Variants in IST1 observed in about 807,000 individuals in gnomAD.
IST1 encodes IST1 factor associated with ESCRT-III.
Under a neutral mutation model 37.0 loss-of-function variants are expected in IST1, and 23 were observed. The observed-to-expected ratio is 0.62, with a 90% CI of 0.45 to 0.88. IST1 has a LOEUF of 0.88. Ranked by LOEUF, IST1 falls within the 40% of genes least tolerant of loss-of-function variation. The pLI is 0.00. For synonymous variants in IST1, 180 were observed against 161.7 expected, an observed-to-expected ratio of 1.11 and a Z score of -0.86; for missense variants, 488 against 445.4, an observed-to-expected ratio of 1.10 and a Z score of -0.86.
intron 5 of IST1, 116 bp downstream of exon 5, chr16:71,920,938 A>C (rs1217226118): frequency 1.3e-6 from 1 of 792,908 alleles, no homozygotes; most frequent in Non-Finnish European, 2.2e-6. Flanking sequence ...CACCTTTCAT[A>C]GTGGGGTGAG....
At chr16:71,912,360 C>G (rs1334402387) in intron 1 of IST1, among the ~76,000 whole-genome samples, 1 of 152,106 alleles carries the variant, frequency 6.6e-6, no homozygotes, top group Non-Finnish European at 1.5e-5. Flanking sequence ...GCCTCAGCCT[C>G]CTGAGAAGCT....
At chr16:71,905,062 G>T (rs1403994836) in intron 1 of IST1, among the ~76,000 whole-genome samples, 1 of 151,378 alleles carries the variant, frequency 6.6e-6, no homozygotes, top group Non-Finnish European at 1.5e-5. Context: ...TTGAGATGGA[G>T]TCTCACTGTG....
rs2037882417 is a variant in IST1, at chr16:71,930,134, A to T, written c.*2321A>T. 2 of 1,551,638 alleles carry T rather than the reference A, an allele frequency of 1.3e-6. No individual in the cohort carries two copies. Among genetic ancestry groups the T allele is most frequent in the Non-Finnish European group, 1.7e-6 (2 of 1,146,868 alleles). On this transcript the variant is annotated 3_prime_UTR_variant, in exon 10 of 10. Transcript: ENST00000378799. ...AATTACCACAAGTACCATCAAGATG[A>T]CACTGGTGAGGATCAGAAAGGTGCC... is the stretch of plus-strand genomic sequence containing the variant.
rs2037869122 is a variant in IST1 at position 71,929,934 on chromosome 16, A to G, written c.*2121A>G. The G allele has an allele frequency of 8.0e-7, 1 of 1,256,460 alleles. No homozygotes were observed. The highest frequency in any genetic ancestry group is 1.5e-5 in the African/African-American group (1 of 65,650). The allele number at this position is 1,256,460 out of a possible 1,614,324, so 77.8% of individuals were successfully genotyped here. ...ATAGCTGGCAGAGCTTTTGAAACTAATAAAGGGAATATGATACTGTGCATT... is the reference window on the plus strand; with the variant it reads ...ATAGCTGGCAGAGCTTTTGAAACTAGTAAAGGGAATATGATACTGTGCATT... On this transcript the variant is annotated 3_prime_UTR_variant, in exon 10 of 10. Transcript: ENST00000378799.
At chr16:71,926,435 C>T (rs1426079926) in intron 9 of IST1, among the ~76,000 whole-genome samples, 1 of 151,834 alleles carries the variant, frequency 6.6e-6, no homozygotes, top group South Asian at 2.1e-4. Context: ...GCTCCACCTC[C>T]CGGGTTCACG....
At chr16:71,922,719 G>C in intron 7 of IST1, 39 bp downstream of exon 7, 2 of 1,392,382 alleles carry the variant, frequency 1.4e-6, no homozygotes, top group South Asian at 2.5e-5. Flanking sequence ...TTTAGAAAAT[G>C]TTATAGATAA....
At chr16:71,922,408 C>A in intron 6 of IST1, 66 bp from the exon 7 acceptor site, 1 of 1,363,090 alleles carries the variant, frequency 7.3e-7, no homozygotes, top group Non-Finnish European at 1.0e-6. Flanking sequence ...CCATCTCAGA[C>A]TCCGCTTTCT....
At chr16:71,926,417 C>T (rs1182657035) in intron 9 of IST1, among the ~76,000 whole-genome samples, 3 of 151,656 alleles carry the variant, frequency 2.0e-5, no homozygotes, top group Admixed American at 1.3e-4. Flanking sequence ...GATCTCGGCT[C>T]ATTGCAAGCT....
At chr16:71,895,315 C>A, upstream of IST1, 1 of 155,382 alleles carries the variant, frequency 6.4e-6, no homozygotes, top group Non-Finnish European at 1.4e-5. Flanking sequence ...ACTCAGTCGG[C>A]GTGGCGCTTC....
rs905319862 is a variant in IST1 at position 71,908,038 on chromosome 16, G to A, written c.-15-7588G>A. ...CAGTCCACTTCACCGTCCGCCTCCC[G>A]GGTTCAAGCAGTTCTCTGCCTCAGC... On this transcript the variant is annotated intron_variant, in intron 1 of 9. Transcript: ENST00000378799. Among the ~76,000 whole-genome samples, 24 of 152,052 alleles carry A rather than the reference G, an allele frequency of 1.6e-4. 1 individual carries two copies. The highest frequency in any genetic ancestry group is 5.1e-4 in the African/African-American group (21 of 41,486).
intron 1 of IST1, among the ~76,000 whole-genome samples, chr16:71,898,670 A>C (rs1227217799): frequency 6.6e-6 from 1 of 150,748 alleles, no homozygotes; most frequent in Non-Finnish European, 1.5e-5. Context: ...CTTAAAAAAA[A>C]AAAAAAAACA....
chr16:71,899,718 A>G (rs1451373699), intron 1 of IST1, among the ~76,000 whole-genome samples: 1 of 152,024 alleles, frequency 6.6e-6, no homozygotes, highest in African/African-American at 2.4e-5. Flanking sequence ...TCTACTAAAA[A>G]TAGAAAAAAT....
intron 1 of IST1, among the ~76,000 whole-genome samples, chr16:71,906,163 C>G (rs1023131278): frequency 1.3e-4 from 19 of 151,736 alleles, no homozygotes; most frequent in South Asian, 2.1e-4. Context: ...GCCACTGCGC[C>G]CAGCTGATTT....
chr16:71,916,791 A>T, intron 3 of IST1, 149 bp downstream of exon 3: 1 of 736,232 alleles, frequency 1.4e-6, no homozygotes, highest in Non-Finnish European at 2.1e-6. Context: ...GAAAATACAG[A>T]ATCTGAAACT....
rs199547471 is a variant in IST1, at chr16:71,927,580, G to C, written c.902-34G>C. On this transcript the variant is annotated intron_variant, in intron 9 of 9. Coordinates refer to ENST00000378799, the MANE Select transcript of IST1 (RefSeq NM_001270975.2). ...AAAGGGGATCTGAGTCATTTCTCTG[G>C]TATTTGTAACGTTGTGCTCCTTGCC... 10 of 1,443,180 alleles carry C rather than the reference G, an allele frequency of 6.9e-6. No homozygotes were observed. The South Asian group carries it at 1.0e-4, about 15-fold the overall frequency. 89.4% of individuals were successfully genotyped at this position (1,443,180 alleles called of 1,614,324 possible).
At chr16:71,894,609 G>T (rs1013604764), upstream of IST1, 7 of 483,406 alleles carry the variant, frequency 1.4e-5, no homozygotes, top group Non-Finnish European at 2.6e-5. Flanking sequence ...TACTGCAGCA[G>T]CGACCTTCTG....
chr16:71,922,707 G>T (rs1179995161), intron 7 of IST1, 27 bp downstream of exon 7: 3 of 1,560,422 alleles, frequency 1.9e-6, no homozygotes, highest in Admixed American at 3.8e-5. Context: ...GTGGATGTAA[G>T]CTTTAGAAAA....
intron 1 of IST1, among the ~76,000 whole-genome samples, chr16:71,914,221 C>T (rs1347569381): frequency 2.7e-5 from 4 of 148,120 alleles, no homozygotes; most frequent in African/African-American, 7.5e-5. Context: ...CGGGAGTGCA[C>T]GATCTTGGCT....
At chr16:71,906,922 T>G (rs2018384) in intron 1 of IST1, among the ~76,000 whole-genome samples, 1 of 151,902 alleles carries the variant, frequency 6.6e-6, no homozygotes, top group African/African-American at 2.4e-5. Context: ...CCCAGCTACT[T>G]GGGAGGCTGA....
Sources: allele counts gnomAD v4.1 joint callset (sites outside exome capture counted in the v4.1 genomes callset), GRCh38; gene constraint gnomAD v4.1.1; transcripts MANE v1.5; gene names NCBI Gene and HGNC (gene_info 2026-07-23, HGNC 2026-07-21).